The following ABCA7 variants were observed in gnomAD, a reference collection of about 807,000 sequenced individuals.
ABCA7 encodes the protein ATP binding cassette subfamily A member 7.
In ABCA7, 261 loss-of-function variants were observed where a neutral mutation model predicts 227.6. That is an observed-to-expected ratio of 1.15 (90% CI 1.04 to 1.27). The LOEUF (loss-of-function observed/expected upper bound fraction) is 1.27. ABCA7 is among the 50% of genes most tolerant of loss of function. The pLI, the probability that ABCA7 is intolerant of heterozygous loss-of-function variation, is 0.00. For synonymous variants in ABCA7, 1,488 were observed against 1,279.7 expected (o/e 1.16, Z -3.47); for missense variants, 3,331 against 2,924.5 (o/e 1.14, Z -3.21).
rs2039997595 is a variant in ABCA7, at chr19:1,041,169, C to G, written c.-137-56C>G. The G allele has an allele frequency of 9.4e-6, 6 of 639,796 alleles. No homozygotes were observed. The Admixed American group carries it at 1.5e-4, about 16-fold the overall frequency. The allele number at this position is 639,796 out of a possible 1,614,324, so 39.6% of individuals were successfully genotyped here. A position where few individuals can be genotyped will look rare whatever the true frequency, so the allele number is the denominator to read the frequency against. ...TGCGCTCCCATTGGTTTACTCCACC[C>G]CTGGGGTAGCGGAGCCTCTTTATCG... On this transcript the variant is annotated intron_variant, in intron 1 of 46. Transcript: ENST00000263094.
chr19:1,051,683 T>A, intron 21 of ABCA7, 97 bp downstream of exon 21: 2 of 1,239,722 alleles, frequency 1.6e-6, no homozygotes, highest in Non-Finnish European at 2.2e-6. Context: ...GTTTGCTACA[T>A]GTGGACCCCA....
chr19:1,043,357 G>A lies in ABCA7; in HGVS notation c.814G>A (p.Gly272Arg), dbSNP rs1426441846. 1.9e-6 allele frequency: 3 copies of A among 1,613,180 alleles called. No homozygotes were observed. The highest frequency in any genetic ancestry group is 2.2e-5 in the South Asian group (2 of 91,086). Residue 272 changes from glycine (G) to arginine (R), a missense_variant, in exon 9 of 47, where the codon GGA (glycine) becomes AGA (arginine). Coordinates refer to ENST00000263094, the MANE Select transcript of ABCA7 (RefSeq NM_019112.4). ...AGGCCCCGCCTGCTCGGAGCTGATT[G>A]GAGCCCTGGACAGCCACCCGCTGTC... is the stretch of plus-strand genomic sequence containing the variant. ...SLSPACSELIGALDSHPLSRL... is the reference protein window; with the variant it reads ...SLSPACSELIRALDSHPLSRL...
At chr19:1,043,636 A>C in intron 9 of ABCA7, 89 bp from the exon 10 acceptor site, 1 of 1,529,000 alleles carries the variant, frequency 6.5e-7, no homozygotes. Flanking sequence ...GATCAGAGGC[A>C]CACGCAGGAG....
rs1236501742 is a variant in ABCA7 at position 1,065,152 on chromosome 19, G to C, written c.6266G>C (p.Ser2089Thr). 8 of 1,592,296 alleles carry C rather than the reference G, an allele frequency of 5.0e-6. No homozygotes were observed. The highest frequency in any genetic ancestry group is 6.9e-6 in the Non-Finnish European group (8 of 1,166,952). Residue 2089 changes from serine to threonine, a missense_variant, in exon 46 of 47, where the codon AGC (serine) becomes ACC (threonine). Physicochemically the swap from Ser to Thr is moderately conservative, Grantham distance 58. Coordinates refer to ENST00000263094, the MANE Select transcript of ABCA7 (RefSeq NM_019112.4). Reference protein sequence around the residue: ...AEHGVEDFSVSQTMLEEVFLY... With the variant: ...AEHGVEDFSVTQTMLEEVFLY... ...CACGGCGTGGAGGACTTTTCCGTGA[G>C]CCAGACGATGCTGGAGGAGGTGATC...
Position 1,046,969 on chromosome 19 carries a change from T to C in ABCA7, c.1790T>C (p.Leu597Pro). 1 of 1,583,880 alleles carries C rather than the reference T, an allele frequency of 6.3e-7. No individual in the cohort carries two copies. The change falls in exon 14 of 47, where the codon CTC becomes CCC. Residue 597 changes from leucine to proline, a missense_variant. By Grantham distance (98) the Leu-to-Pro change is moderately conservative. Transcript: ENST00000263094. Reference sequence around the variant, plus strand: ...GCGGTGCTCTGGCTAGGCTGGTTCCTCAGCTGCCTCGGGCCCTTCCTGCTC... The same window carrying C: ...GCGGTGCTCTGGCTAGGCTGGTTCCCCAGCTGCCTCGGGCCCTTCCTGCTC... The part of the protein sequence containing the change: ...SRAVLWLGWF[L>P]SCLGPFLLSA...
In ABCA7 at chr19:1,052,240, G is replaced by A; in HGVS notation, c.3174G>A (p.Val1058=). The change falls in exon 23 of 47, where the codon GTG becomes GTA. Residue 1058 remains valine (V), a synonymous_variant. Coordinates refer to ENST00000263094, the MANE Select transcript of ABCA7 (RefSeq NM_019112.4). ...CTGACACTGACATGGAGGGCAGTGT[G>A]GACACCAGGCAGGAAAAGAAGAATG... is the stretch of plus-strand genomic sequence containing the variant. The part of the protein sequence containing the change: ...EKADTDMEGS[V]DTRQEKKNGS... The A allele has an allele frequency of 6.4e-7, 1 of 1,564,750 alleles. No homozygotes were observed. Among genetic ancestry groups the A allele is most frequent in the East Asian group, 2.4e-5 (1 of 42,042 alleles).
Position 1,047,154 on chromosome 19 carries a change from C to T in ABCA7, c.1846-3C>T. ...CACCCTAAGCTCCCGTTGCCTCTCA[C>T]AGCTGGGAGACATCCTCCCCTACAG... On this transcript the variant is annotated splice_polypyrimidine_tract_variant and splice_region_variant and intron_variant, in intron 14 of 46. Transcript: ENST00000263094. 1 of 1,599,816 alleles carries T rather than the reference C, an allele frequency of 6.3e-7. No homozygotes were observed. The highest frequency in any genetic ancestry group is 8.5e-7 in the Non-Finnish European group (1 of 1,175,472).
Position 1,056,437 on chromosome 19 carries a change from C to T in ABCA7, c.4524C>T (p.His1508=), listed in dbSNP as rs1005606748. ...CCCCAGGCCCGGCCCGCCACGCCCA[C>T]AGCATCACCACACTCAACCACCCCT... ...HLPPGPARHA[H]SITTLNHPLN... The change falls in exon 33 of 47, where the codon CAC becomes CAT. Residue 1508 remains histidine, a synonymous_variant. Transcript: ENST00000263094. This position sits in a 1 kb window ranked among gnomAD's most constrained non-coding sequence, Gnocchi z 4.3. 5 of 1,613,714 alleles carry T rather than the reference C, an allele frequency of 3.1e-6. No individual in the cohort carries two copies. In the African/African-American group the frequency reaches 4.0e-5, roughly 13 times the overall value.
At chr19:1,041,681 T>G (rs1352296257) in intron 3 of ABCA7, 78 bp downstream of exon 3, 1 of 1,576,442 alleles carries the variant, frequency 6.3e-7, no homozygotes, top group East Asian at 2.2e-5. Context: ...GAATCCCCCG[T>G]GCATGTCAGG....
At position 1,058,169 on chromosome 19, in the gene ABCA7, C is replaced by A; in HGVS notation, c.5049C>A (p.Ile1683=). 6.2e-7 allele frequency: 1 copy of A among 1,613,880 alleles called. No individual in the cohort carries two copies. The highest frequency in any genetic ancestry group is 8.5e-7 in the Non-Finnish European group (1 of 1,179,982). ...AGAAGCTGCAGGAGGTGAGCCGGAT[C>A]TTGAAACAGGTCTTCCTTATCTTCC... is the stretch of plus-strand genomic sequence containing the variant. ...SDQKLQEVSR[I]LKQVFLIFPH... is the part of the protein sequence containing the mutation. Residue 1683 remains isoleucine (I), a synonymous_variant, in exon 37 of 47, where the codon ATC becomes ATA. Coordinates refer to ENST00000263094, the MANE Select transcript of ABCA7 (RefSeq NM_019112.4).
rs1264893698 is a variant in ABCA7, at chr19:1,065,057, C to T, written c.6171C>T (p.Phe2057=). The T allele has an allele frequency of 6.4e-7, 1 of 1,560,978 alleles. No individual in the cohort carries two copies. The highest frequency in any genetic ancestry group is 2.4e-5 in the East Asian group (1 of 41,580). The change falls in exon 46 of 47, where the codon TTC becomes TTT. Residue 2057 remains phenylalanine (F), a synonymous_variant. Coordinates refer to ENST00000263094, the MANE Select transcript of ABCA7 (RefSeq NM_019112.4). Reference sequence around the variant, plus strand: ...AGGCACATGGAGGCCGCCTGCGCTTCCAGCTGCCGCCGGGAGGGCGCTGCG... The same window carrying T: ...AGGCACATGGAGGCCGCCTGCGCTTTCAGCTGCCGCCGGGAGGGCGCTGCG... The part of the protein sequence containing the change: ...LREAHGGRLR[F]QLPPGGRCAL...
chr19:1,044,564 C>T lies in ABCA7; in HGVS notation c.1048-13C>T, dbSNP rs769493871. The T allele has an allele frequency of 6.2e-7, 1 of 1,608,110 alleles. No homozygotes were observed. The highest frequency in any genetic ancestry group is 1.1e-5 in the South Asian group (1 of 90,826). On this transcript the variant is annotated splice_polypyrimidine_tract_variant and intron_variant, in intron 10 of 46. Transcript: ENST00000263094. ...GCCCGACCCAGACTCTCACTTTCAC[C>T]TGCGCCCCCCAGCGGCTCCTGCAGA... is the stretch of plus-strand genomic sequence containing the variant.
intron 21 of ABCA7, among the ~76,000 whole-genome samples, 155 bp from the exon 22 acceptor site, chr19:1,051,787 C>A (rs1327394704): frequency 6.6e-6 from 1 of 152,000 alleles, no homozygotes; most frequent in Non-Finnish European, 1.5e-5. Flanking sequence ...GCCTGAAGGG[C>A]CAGAAAAGGT....
chr19:1,053,532 G>T lies in ABCA7; in HGVS notation c.3423+1G>T, dbSNP rs780510608. 34 of 1,559,670 alleles carry T rather than the reference G, an allele frequency of 2.2e-5. No homozygotes were observed. The highest frequency in any genetic ancestry group is 2.9e-5 in the Non-Finnish European group (33 of 1,157,624). On this transcript the variant is annotated splice_donor_variant, in intron 24 of 46. Coordinates refer to ENST00000263094, the MANE Select transcript of ABCA7 (RefSeq NM_019112.4). LOFTEE classifies it high-confidence loss of function. The stretch of plus-strand genomic sequence containing the variant: ...GATCTCCGACACCAGCCTCGAGGAG[G>T]TGTGAGGCCTGGGTGGTGGTGAGGT...
At chr19:1,062,936 A>C in intron 42 of ABCA7, among the ~76,000 whole-genome samples, 1 of 135,504 alleles carries the variant, frequency 7.4e-6, no homozygotes. Context: ...TGCTGGCTCC[A>C]CCCACACCAT....
At chr19:1,061,532 T>TA (rs58763841) in intron 40 of ABCA7, among the ~76,000 whole-genome samples, 47,810 of 148,138 alleles carry the variant, frequency 0.32, 7,783 homozygotes, top group Admixed American at 0.36. Flanking sequence ...CCATCTCTAC[T>TA]AAAAAAAAAT....
chr19:1,057,999 C>A lies in ABCA7; in HGVS notation c.4965C>A (p.Asn1655Lys). 1 of 1,614,092 alleles carries A rather than the reference C, an allele frequency of 6.2e-7. No individual in the cohort carries two copies. Among genetic ancestry groups the A allele is most frequent in the Non-Finnish European group, 8.5e-7 (1 of 1,180,026 alleles). The change falls in exon 36 of 47, where the codon AAC becomes AAA. Residue 1655 changes from asparagine to lysine, a missense_variant. Physicochemically the swap from Asn to Lys is moderately conservative, Grantham distance 94. Coordinates refer to ENST00000263094, the MANE Select transcript of ABCA7 (RefSeq NM_019112.4). Reference sequence around the variant, plus strand: ...CCTATGTGGTGCTCACCTGCATAAACCTCTTTATTGGCATCAATGGAAGCA... The same window carrying A: ...CCTATGTGGTGCTCACCTGCATAAAACTCTTTATTGGCATCAATGGAAGCA... Reference protein sequence around the residue: ...STAYVVLTCINLFIGINGSMA... With the variant: ...STAYVVLTCIKLFIGINGSMA...
chr19:1,061,244 A>G (rs2144946742), intron 40 of ABCA7, among the ~76,000 whole-genome samples: 1 of 151,980 alleles, frequency 6.6e-6, no homozygotes, highest in Middle Eastern at 3.4e-3. Flanking sequence ...TAAAAATACA[A>G]AAATTAGCCG....
chr19:1,050,009 C>CAA (rs1555689338), intron 18 of ABCA7, among the ~76,000 whole-genome samples: 15 of 131,782 alleles, frequency 1.1e-4, no homozygotes, highest in South Asian at 2.5e-4. Context: ...GTGAGCCCCC[C>CAA]ACCACTTCCT....
Sources: gnomAD v4.1 joint callset for allele counts (sites outside exome capture counted in the v4.1 genomes callset) on GRCh38, gnomAD v4.1.1 for gene constraint, Gnocchi (gnomAD v3.1) non-coding constraint, MANE v1.5 for transcripts, NCBI Gene and HGNC (gene_info 2026-07-23, HGNC 2026-07-21) for gene names.